The following CCDC174 variants were observed in gnomAD, a reference collection of about 807,000 sequenced individuals.
CCDC174 encodes the protein coiled-coil domain-containing protein 174.
Under a neutral mutation model 57.1 loss-of-function variants are expected in CCDC174, and 37 were observed. The observed-to-expected ratio is 0.65, with a 90% CI of 0.50 to 0.85. The LOEUF is 0.85. CCDC174 is among the 40% of genes least tolerant of loss of function. The pLI, the probability that CCDC174 is intolerant of heterozygous loss-of-function variation, is 0.00. For missense variants in CCDC174, 540 were observed against 574.3 expected, an observed-to-expected ratio of 0.94 and a Z score of 0.61; for synonymous variants, 182 against 190.2, an observed-to-expected ratio of 0.96 and a Z score of 0.35.
At chr3:14,662,825 C>T (rs961582596) in intron 5 of CCDC174, among the ~76,000 whole-genome samples, 5 of 152,184 alleles carry the variant, frequency 3.3e-5, no homozygotes, top group Non-Finnish European at 7.3e-5. Context: ...CTGTGGATGG[C>T]AGAGAAACTG....
In CCDC174 at chr3:14,661,714, A is replaced by G. The variant is rs747474121; in HGVS notation, c.485+7A>G. ...AAGACCCCAGTGAAGAATGGTTGGT[A>G]ACATCATGGATTAGCTCAGAGGAAC... On this transcript the variant is annotated splice_region_variant and intron_variant, in intron 5 of 10. Coordinates refer to ENST00000383794, the MANE Select transcript of CCDC174 (RefSeq NM_016474.5). 16 of 1,607,396 alleles carry G rather than the reference A, an allele frequency of 1.0e-5. No individual in the cohort carries two copies. Among genetic ancestry groups the G allele is most frequent in the Non-Finnish European group, 1.4e-5 (16 of 1,177,366 alleles).
At chr3:14,656,553 T>C (rs1307816532) in intron 3 of CCDC174, among the ~76,000 whole-genome samples, 1 of 152,192 alleles carries the variant, frequency 6.6e-6, no homozygotes, top group East Asian at 1.9e-4. Context: ...TCGTTATTGG[T>C]GTTGATAGGT....
In CCDC174 at chr3:14,661,587, G is replaced by A. The variant is rs142816619; in HGVS notation, c.365G>A (p.Arg122His). The change falls in exon 5 of 11, where the codon CGC (arginine) becomes CAC (histidine). Residue 122 changes from arginine to histidine, a missense_variant. Physicochemically the swap from Arg to His is conservative, Grantham distance 29 (BLOSUM62 0). Transcript: ENST00000383794. The stretch of plus-strand genomic sequence containing the variant: ...TTCACACAGAAGATCATAGACAAGC[G>A]CAAAGAAATGGAGGCATCTGGTGCC... ...VDFTQKIIDK[R>H]KEMEASGAHR... 7,831 of 1,614,108 alleles carry A rather than the reference G, an allele frequency of 4.9e-3. 45 individuals are homozygous for A. The highest frequency in any genetic ancestry group is 0.016 in the South Asian group (1,481 of 91,074).
chr3:14,665,230 T>A, intron 6 of CCDC174, 107 bp downstream of exon 6: 1 of 761,918 alleles, frequency 1.3e-6, no homozygotes, highest in Non-Finnish European at 2.2e-6. Context: ...GTTGCTCCAG[T>A]AAGGAGATAT....
chr3:14,656,885 TG>T (rs2030976334), intron 3 of CCDC174, among the ~76,000 whole-genome samples: 3 of 152,230 alleles, frequency 2.0e-5, no homozygotes, highest in Non-Finnish European at 4.4e-5. Flanking sequence ...TTTGGATATA[TG>T]GAATAATAAA....
chr3:14,656,189 G>T (rs992116618), intron 3 of CCDC174, among the ~76,000 whole-genome samples: 19 of 151,998 alleles, frequency 1.3e-4, no homozygotes, highest in African/African-American at 4.4e-4. Context: ...TCAAACCCAA[G>T]AAATTTAACA....
At chr3:14,666,037 C>CAAAAAAAA (rs71038422) in intron 6 of CCDC174, among the ~76,000 whole-genome samples, 3 of 84,794 alleles carry the variant, frequency 3.5e-5, no homozygotes, top group East Asian at 3.2e-4. Flanking sequence ...GACTCCGTCT[C>CAAAAAAAA]AAAAAAAAAA....
intron 2 of CCDC174, 81 bp downstream of exon 2, chr3:14,654,611 G>A: frequency 2.9e-6 from 2 of 687,466 alleles, no homozygotes; most frequent in Non-Finnish European, 5.0e-6. Context: ...AAAATTGTCA[G>A]TGGTATCTGT....
intron 4 of CCDC174, among the ~76,000 whole-genome samples, chr3:14,660,757 G>T (rs76380342): frequency 0.011 from 1,738 of 152,244 alleles, 33 homozygotes; most frequent in African/African-American, 0.038. Flanking sequence ...GCTTAATGTG[G>T]GTTCAATGTA....
chr3:14,651,965 C>T (rs1221648977), intron 1 of CCDC174, 87 bp downstream of exon 1: 9 of 1,347,390 alleles, frequency 6.7e-6, no homozygotes, highest in Admixed American at 1.9e-5. Context: ...TGTTTCTTCA[C>T]TCGGGGACCC....
chr3:14,653,214 A>G (rs749358474), intron 1 of CCDC174, among the ~76,000 whole-genome samples: 8 of 152,238 alleles, frequency 5.3e-5, no homozygotes, highest in Non-Finnish European at 7.3e-5. Flanking sequence ...GGTTAGCAGT[A>G]ATTGTAATAA....
Position 14,654,503 on chromosome 3 carries a change from T to G in CCDC174, c.120T>G (p.Val40=). ...KQEKLLKDSG[V]FGKPKTTNKK... ...AAAAACTTCTAAAAGATTCTGGAGT[T>G]TTTGGAAAACCAAAAACAACTAACA... The change falls in exon 2 of 11, where the codon GTT becomes GTG. Residue 40 remains valine (V), a synonymous_variant. Coordinates refer to ENST00000383794, the MANE Select transcript of CCDC174 (RefSeq NM_016474.5). The G allele has an allele frequency of 6.3e-7, 1 of 1,598,344 alleles. No homozygotes were observed. The highest frequency in any genetic ancestry group is 8.6e-7 in the Non-Finnish European group (1 of 1,169,578).
chr3:14,655,676 A>C, intron 3 of CCDC174, 47 bp downstream of exon 3: 2 of 1,259,648 alleles, frequency 1.6e-6, no homozygotes, highest in Non-Finnish European at 2.2e-6. Flanking sequence ...GAGGCTACCC[A>C]GGCAGAGAAA....
intron 4 of CCDC174, among the ~76,000 whole-genome samples, chr3:14,659,851 G>A (rs1376369177): frequency 6.6e-6 from 1 of 152,224 alleles, no homozygotes; most frequent in Non-Finnish European, 1.5e-5. Flanking sequence ...GCTTTGGCAA[G>A]CTGGAGAAAG....
At chr3:14,660,232 G>A (rs775394364) in intron 4 of CCDC174, among the ~76,000 whole-genome samples, 15 of 152,228 alleles carry the variant, frequency 9.9e-5, no homozygotes, top group Admixed American at 3.3e-4. Context: ...CAGGCTAGGC[G>A]TGGTGGCTCA....
At position 14,652,273 on chromosome 3, in the gene CCDC174, A is replaced by G. The variant is rs141596071; in HGVS notation, c.42+395A>G. Among the ~76,000 whole-genome samples, 346 of 152,220 alleles carry G rather than the reference A, an allele frequency of 2.3e-3. 1 individual carries two copies. The highest frequency in any genetic ancestry group is 7.8e-3 in the African/African-American group (324 of 41,526). On this transcript the variant is annotated intron_variant, in intron 1 of 10. Coordinates refer to ENST00000383794, the MANE Select transcript of CCDC174 (RefSeq NM_016474.5). ...ATATCCTCTTCCTGGTTTCTCCTCC[A>G]TCCAGGGACCCACAAAGTCCTCCCA...
At chr3:14,655,758 G>T in intron 3 of CCDC174, 129 bp downstream of exon 3, 1 of 480,462 alleles carries the variant, frequency 2.1e-6, no homozygotes. Flanking sequence ...AATGCTCTAA[G>T]TACTCTAAAA....
chr3:14,664,599 G>A (rs2031255476), intron 5 of CCDC174, among the ~76,000 whole-genome samples: 2 of 152,270 alleles, frequency 1.3e-5, no homozygotes, highest in South Asian at 4.1e-4. Context: ...CCAATTAGAG[G>A]AAATAAGAGA....
intron 5 of CCDC174, among the ~76,000 whole-genome samples, chr3:14,663,684 CCTT>C (rs199879495): frequency 0.01 from 1,574 of 152,240 alleles, 24 homozygotes; most frequent in African/African-American, 0.034. Context: ...GTTTTGGAGG[CCTT>C]CTCCAGAAAC....
Sources: allele counts gnomAD v4.1 joint callset (sites outside exome capture counted in the v4.1 genomes callset), GRCh38; gene constraint gnomAD v4.1.1; transcripts MANE v1.5; gene names NCBI Gene and HGNC (gene_info 2026-07-23, HGNC 2026-07-21).